TIMM44: variants seen among roughly 807,000 people sequenced by gnomAD.
TIMM44 encodes mitochondrial import inner membrane translocase subunit TIM44.
A neutral mutation model predicts 63.8 loss-of-function variants in TIMM44; 37 were observed. The observed-to-expected ratio is 0.58, with a 90% CI of 0.45 to 0.76. The LOEUF (loss-of-function observed/expected upper bound fraction) is 0.76, where lower values mean the gene tolerates loss of function less well. Among genes scored for constraint, TIMM44 ranks in the 30% least tolerant of loss-of-function variants. The pLI, the probability that TIMM44 is intolerant of heterozygous loss-of-function variation, is 0.00. For synonymous variants in TIMM44, 239 were observed against 245.1 expected (o/e 0.98, Z 0.23); for missense variants, 573 against 603.8 (o/e 0.95, Z 0.54).
chr19:7,935,004 C>T (rs1984103386), intron 4 of TIMM44, 61 bp downstream of exon 4: 1 of 1,500,936 alleles, frequency 6.7e-7, no homozygotes, highest in South Asian at 1.2e-5. Flanking sequence ...CTTCCTCCAG[C>T]CTCCAGCGGC....
In TIMM44 at chr19:7,927,040, G is replaced by A. The variant is rs1295535428; in HGVS notation, c.*147C>T. ...CCGCAACAGCCCGTTGTCCCCTCCC[G>A]GGCCAGCTGGTCTTGCAGCCGTCCT... On this transcript the variant is annotated 3_prime_UTR_variant, in exon 13 of 13. Coordinates refer to ENST00000270538, the MANE Select transcript of TIMM44 (RefSeq NM_006351.4). The A allele has an allele frequency of 1.4e-5, 17 of 1,226,610 alleles. No homozygotes were observed. The highest frequency in any genetic ancestry group is 2.7e-5 in the South Asian group (2 of 74,040). The allele number at this position is 1,226,610 out of a possible 1,614,324, so 76.0% of individuals were successfully genotyped here.
intron 3 of TIMM44, among the ~76,000 whole-genome samples, chr19:7,935,635 C>T (rs747396002): frequency 3.3e-5 from 5 of 152,216 alleles, no homozygotes; most frequent in East Asian, 1.9e-4. Flanking sequence ...GTCTCAGCAG[C>T]GGTGAGCTCC....
At chr19:7,928,993 A>AG (rs1313396690) in intron 10 of TIMM44, 1 of 151,040 alleles carries the variant, frequency 6.6e-6, no homozygotes, top group Non-Finnish European at 1.5e-5. Context: ...GTCACCATGC[A>AG]GGGGAGTATT....
intron 10 of TIMM44, among the ~76,000 whole-genome samples, chr19:7,929,962 C>T (rs2060840199): frequency 6.6e-6 from 1 of 152,094 alleles, no homozygotes; most frequent in South Asian, 2.1e-4. Flanking sequence ...GATTCTCCTG[C>T]CTCAGCCTCC....
intron 3 of TIMM44, among the ~76,000 whole-genome samples, chr19:7,937,285 T>C (rs552768850): frequency 6.6e-6 from 1 of 152,108 alleles, no homozygotes; most frequent in African/African-American, 2.4e-5. Context: ...TAAAATAAAA[T>C]AAAATAAAAT....
At chr19:7,940,486 C>G (rs1383330042) in intron 2 of TIMM44, among the ~76,000 whole-genome samples, 2 of 151,774 alleles carry the variant, frequency 1.3e-5, no homozygotes, top group Non-Finnish European at 2.9e-5. Context: ...TGTCCCACAC[C>G]CACGATGGCC....
intron 1 of TIMM44, among the ~76,000 whole-genome samples, chr19:7,941,868 G>A (rs1984321452): frequency 6.6e-6 from 1 of 152,138 alleles, no homozygotes; most frequent in African/African-American, 2.4e-5. Flanking sequence ...CTTCTCTTGC[G>A]AGCCCACCCC....
intron 12 of TIMM44, 89 bp from the exon 13 acceptor site, chr19:7,927,395 C>T: frequency 6.7e-7 from 1 of 1,503,226 alleles, no homozygotes. Context: ...GGGGCAGGAG[C>T]CACCGGCAAC....
chr19:7,930,758 A>G (rs528470648), intron 10 of TIMM44, among the ~76,000 whole-genome samples: 2 of 152,310 alleles, frequency 1.3e-5, no homozygotes, highest in Admixed American at 1.3e-4. Flanking sequence ...AATTATTTTA[A>G]GATTGGAGGG....
intron 10 of TIMM44, among the ~76,000 whole-genome samples, chr19:7,930,303 C>CT (rs71179159): frequency 0.013 from 1,454 of 109,414 alleles, 18 homozygotes; most frequent in East Asian, 0.036. Context: ...ATGCTTGGCT[C>CT]TTTTTTTTTT....
chr19:7,931,575 C>G (rs548883971), intron 9 of TIMM44: 16 of 286,468 alleles, frequency 5.6e-5, no homozygotes, highest in South Asian at 5.1e-4. Flanking sequence ...TGTCCTCTGT[C>G]CCCCCAGGGG....
chr19:7,941,226 C>T (rs755098172), intron 1 of TIMM44, 29 bp from the exon 2 acceptor site: 1 of 1,551,130 alleles, frequency 6.4e-7, no homozygotes, highest in Non-Finnish European at 8.9e-7. Context: ...GAGAAAGATC[C>T]ATTCTAACAA....
Position 7,933,634 on chromosome 19 carries a change from G to T in TIMM44, c.684-64C>A. 6.8e-7 allele frequency: 1 copy of T among 1,469,270 alleles called. No individual in the cohort carries two copies. Among genetic ancestry groups the T allele is most frequent in the Non-Finnish European group, 9.5e-7 (1 of 1,049,152 alleles). 91.0% of individuals were successfully genotyped at this position (1,469,270 alleles called of 1,614,324 possible). A position where few individuals can be genotyped will look rare whatever the true frequency, so the allele number is the denominator to read the frequency against. On this transcript the variant is annotated intron_variant, in intron 6 of 12. Transcript: ENST00000270538. The surrounding 1 kb of genome is among the most constrained non-coding windows in gnomAD (Gnocchi z 4.3). ...CAGGGCCACCCTGTGCCCTCCTGCG[G>T]CTGCAGGCAGGGGGCAGTACAGGAC...
rs1984043426 is a variant in TIMM44, at chr19:7,933,399, T to C, written c.769+86A>G. The C allele has an allele frequency of 8.2e-7, 1 of 1,219,886 alleles. No individual in the cohort carries two copies. Among genetic ancestry groups the C allele is most frequent in the African/African-American group, 1.5e-5 (1 of 67,426 alleles). The allele number at this position is 1,219,886 out of a possible 1,614,324, so 75.6% of individuals were successfully genotyped here. ...TCTCCTCCTCTGCAAAACGGGGCTG[T>C]CTTGTGCCCAATGCAGGGGGATCAC... On this transcript the variant is annotated intron_variant, in intron 7 of 12. Transcript: ENST00000270538. This position sits in a 1 kb window ranked among gnomAD's most constrained non-coding sequence, Gnocchi z 4.3.
chr19:7,936,669 G>A (rs1984162923), intron 3 of TIMM44, among the ~76,000 whole-genome samples: 1 of 152,128 alleles, frequency 6.6e-6, no homozygotes, highest in African/African-American at 2.4e-5. Flanking sequence ...GAAGAGAAGT[G>A]ACAATTAATA....
rs1429797523 is a variant in TIMM44 at position 7,943,612 on chromosome 19, G to A, written c.40C>T (p.Pro14Ser). ...AALRSGWCRCPRRCLGSGIQF... is the reference protein window; with the variant it reads ...AALRSGWCRCSRRCLGSGIQF... ...AGCGCCGCACCGCCGCTCACCCGTG[G>A]ACAGCGGCACCAGCCACTCCGCAGG... Residue 14 changes from proline (P) to serine (S), a missense_variant, in exon 1 of 13, where the codon CCA (proline) becomes TCA (serine). Coordinates refer to ENST00000270538, the MANE Select transcript of TIMM44 (RefSeq NM_006351.4). The surrounding 1 kb of genome is among the most constrained non-coding windows in gnomAD (Gnocchi z 4.3). The A allele has an allele frequency of 6.4e-7, 1 of 1,562,466 alleles. No individual in the cohort carries two copies. Among genetic ancestry groups the A allele is most frequent in the South Asian group, 1.2e-5 (1 of 86,364 alleles).
At position 7,933,593 on chromosome 19, in the gene TIMM44, G is replaced by T. The variant is rs1275637070; in HGVS notation, c.684-23C>A. 1.9e-6 allele frequency: 3 copies of T among 1,609,024 alleles called. No homozygotes were observed. ...TCCCTGGGGAAGAGGGTGGGCCCTG[G>T]GGTGAGCGGCGGCGCCAGGGCCACC... On this transcript the variant is annotated intron_variant, in intron 6 of 12. Transcript: ENST00000270538. This position sits in a 1 kb window ranked among gnomAD's most constrained non-coding sequence, Gnocchi z 4.3.
chr19:7,943,511 G>A lies in TIMM44; in HGVS notation c.45+96C>T, dbSNP rs1013292828. On this transcript the variant is annotated intron_variant, in intron 1 of 12. Coordinates refer to ENST00000270538, the MANE Select transcript of TIMM44 (RefSeq NM_006351.4). This position sits in a 1 kb window ranked among gnomAD's most constrained non-coding sequence, Gnocchi z 4.3. The stretch of plus-strand genomic sequence containing the variant: ...CAAGCTTTCTAAGGAGCCCAAGCAA[G>A]GGTCGCGAAGGCCAAGGGTCTGAGA... The A allele has an allele frequency of 1.2e-5, 17 of 1,391,752 alleles. No individual in the cohort carries two copies. In the African/African-American group the frequency reaches 2.1e-4, roughly 18 times the overall value. 86.2% of individuals were successfully genotyped at this position (1,391,752 alleles called of 1,614,324 possible).
chr19:7,933,970 T>A lies in TIMM44; in HGVS notation c.577A>T (p.Ser193Cys), dbSNP rs751202489. ...TAGGGCCCGGTCTGTCCCAGGACGC[T>A]GTCGTCAATTTCCTTCTTCACGGAC... ...VESVKKEIDD[S>C]VLGQTGPYRR... Residue 193 changes from serine (S) to cysteine (C), a missense_variant, in exon 6 of 13, where the codon AGC becomes TGC. Coordinates refer to ENST00000270538, the MANE Select transcript of TIMM44 (RefSeq NM_006351.4). The surrounding 1 kb of genome is among the most constrained non-coding windows in gnomAD (Gnocchi z 4.3). The A allele has an allele frequency of 3.7e-6, 6 of 1,614,148 alleles. No individual in the cohort carries two copies. The Middle Eastern group carries it at 6.6e-4, about 178-fold the overall frequency.
Sources: gnomAD v4.1 joint callset for allele counts (sites outside exome capture counted in the v4.1 genomes callset) on GRCh38, gnomAD v4.1.1 for gene constraint, Gnocchi (gnomAD v3.1) non-coding constraint, MANE v1.5 for transcripts, NCBI Gene and HGNC (gene_info 2026-07-23, HGNC 2026-07-21) for gene names.